The following CTNNA3 variants were observed in gnomAD, a reference collection of about 807,000 sequenced individuals.
CTNNA3 encodes the protein catenin alpha-3.
A neutral mutation model predicts 95.7 loss-of-function variants in CTNNA3; 76 were observed. That is an observed-to-expected ratio of 0.79 (90% CI 0.66 to 0.96). The LOEUF is 0.96. Ranked by LOEUF, CTNNA3 falls within the 40% of genes least tolerant of loss-of-function variation. CTNNA3 has a pLI of 0.00. For synonymous variants in CTNNA3, 431 were observed against 374.4 expected, an observed-to-expected ratio of 1.15 and a Z score of -1.74; for missense variants, 1,191 against 1,089.8, an observed-to-expected ratio of 1.09 and a Z score of -1.31.
At chr10:66,219,285 AATC>A (rs1271551209) in intron 13 of CTNNA3, among the ~76,000 whole-genome samples, 4 of 152,250 alleles carry the variant, frequency 2.6e-5, no homozygotes, top group Admixed American at 2.6e-4. Flanking sequence ...GAGGGATATG[AATC>A]ATCAGCAGAT....
At position 66,018,915 on chromosome 10, in the gene CTNNA3, AT is replaced by A. The variant is rs2079146685; in HGVS notation, c.2160-30119del. On this transcript the variant is annotated intron_variant, in intron 15 of 17. Coordinates refer to ENST00000433211, the MANE Select transcript of CTNNA3 (RefSeq NM_013266.4). ...TTCACGTTTATGGTGGGATATATTT[AT>A]TTTCTATTTTAGTTATAAAGAAAAC... Among the ~76,000 whole-genome samples the A allele has an allele frequency of 3.9e-5, 6 of 152,104 alleles. No homozygotes were observed. The South Asian group carries it at 1.2e-3, about 32-fold the overall frequency.
upstream of CTNNA3, among the ~76,000 whole-genome samples, chr10:67,700,924 T>A (rs1841033889): frequency 6.6e-6 from 1 of 152,078 alleles, no homozygotes. Context: ...TACAGAGAAG[T>A]GCTTAAAGGA....
chr10:65,946,088 T>A (rs562769764), intron 17 of CTNNA3, among the ~76,000 whole-genome samples: 4 of 152,320 alleles, frequency 2.6e-5, no homozygotes, highest in Admixed American at 2.6e-4. Flanking sequence ...AATAGCTTTG[T>A]GACCTTGGAT....
At chr10:67,302,622 C>G (rs1323714357) in intron 5 of CTNNA3, among the ~76,000 whole-genome samples, 2 of 152,136 alleles carry the variant, frequency 1.3e-5, no homozygotes, top group Non-Finnish European at 2.9e-5. Context: ...CACTTGACCT[C>G]CAATAATCTA....
chr10:66,775,135 TTTCATTGTATAGG>T (rs1017672551), intron 8 of CTNNA3, among the ~76,000 whole-genome samples: 3 of 152,144 alleles, frequency 2.0e-5, no homozygotes, highest in African/African-American at 7.2e-5. Context: ...ATATTATTAA[TTTCATTGTATAGG>T]TTCAAAGCAG....
chr10:66,570,234 G>A (rs921293647), intron 10 of CTNNA3, among the ~76,000 whole-genome samples: 7 of 152,176 alleles, frequency 4.6e-5, no homozygotes, highest in African/African-American at 1.7e-4. Flanking sequence ...AAATCTTAAA[G>A]GCAATAGATG....
chr10:66,898,085 A>AAAATATTTTTTC (rs1845573416), intron 7 of CTNNA3, among the ~76,000 whole-genome samples: 1 of 152,230 alleles, frequency 6.6e-6, no homozygotes, highest in African/African-American at 2.4e-5. Flanking sequence ...AATGAGATAA[A>AAAATATTTTTTC]CTGAACATCA....
At chr10:66,321,238 C>T (rs2092180694) in intron 12 of CTNNA3, among the ~76,000 whole-genome samples, 1 of 151,854 alleles carries the variant, frequency 6.6e-6, no homozygotes, top group African/African-American at 2.4e-5. Context: ...ATAGTTATAA[C>T]ATGTTAGAAG....
chr10:66,697,677 G>A (rs1462208029), intron 9 of CTNNA3, among the ~76,000 whole-genome samples: 2 of 152,034 alleles, frequency 1.3e-5, no homozygotes, highest in African/African-American at 4.8e-5. Flanking sequence ...TTCAAAATGG[G>A]TATAAATTAA....
intron 6 of CTNNA3, among the ~76,000 whole-genome samples, chr10:67,185,363 T>G (rs2132156203): frequency 6.6e-6 from 1 of 152,146 alleles, no homozygotes; most frequent in African/African-American, 2.4e-5. Context: ...CTTGACCACA[T>G]GATCCGCCTG....
rs1554851014 is a variant in CTNNA3 at position 66,777,801 on chromosome 10, A to ACACACATG, written c.1048-2278_1048-2277insCATGTGTG. Among the ~76,000 whole-genome samples the ACACACATG allele has an allele frequency of 1.7e-3, 237 of 142,084 alleles. 1 individual carries two copies. Among genetic ancestry groups the ACACACATG allele is most frequent in the East Asian group, 0.014 (51 of 3,652 alleles). 93.2% of individuals were successfully genotyped at this position (142,084 alleles called of 152,430 possible). On this transcript the variant is annotated intron_variant, in intron 7 of 17. Transcript: ENST00000433211. ...CACACACACACACACACACACATGCACACACACACACACACACACAGTATC... is the reference window on the plus strand; with the variant it reads ...CACACACACACACACACACACATGCACACACATGCACACACACACACACACACAGTATC...
chr10:67,170,851 C>A (rs1445707684), intron 7 of CTNNA3, among the ~76,000 whole-genome samples: 2 of 152,146 alleles, frequency 1.3e-5, no homozygotes, highest in Non-Finnish European at 2.9e-5. Flanking sequence ...CAGCCACTGG[C>A]CACATGTCGC....
chr10:66,220,628 G>A (rs1238424948), intron 13 of CTNNA3, among the ~76,000 whole-genome samples: 1 of 152,170 alleles, frequency 6.6e-6, no homozygotes, highest in African/African-American at 2.4e-5. Flanking sequence ...CCGCACAAAC[G>A]AATTGAAGAC....
At chr10:67,681,438 AT>A (rs777046277) in intron 1 of CTNNA3, among the ~76,000 whole-genome samples, 25 of 152,174 alleles carry the variant, frequency 1.6e-4, no homozygotes, top group Non-Finnish European at 3.4e-4. Flanking sequence ...TCTTAAATAA[AT>A]TATAATGATC....
At chr10:67,471,382 T>A (rs150171041) in intron 5 of CTNNA3, among the ~76,000 whole-genome samples, 1 of 152,368 alleles carries the variant, frequency 6.6e-6, no homozygotes, top group African/African-American at 2.4e-5. Flanking sequence ...AAGGATGTAC[T>A]AAGCTTACAA....
chr10:67,706,335 A>G (rs2133607743), intron 1 of CTNNA3, among the ~76,000 whole-genome samples: 1 of 152,132 alleles, frequency 6.6e-6, no homozygotes, highest in East Asian at 1.9e-4. Flanking sequence ...AGAGGAGGTA[A>G]AAGGTTATAA....
intron 10 of CTNNA3, among the ~76,000 whole-genome samples, chr10:66,606,990 A>G (rs1194792131): frequency 6.6e-6 from 1 of 152,132 alleles, no homozygotes; most frequent in Non-Finnish European, 1.5e-5. Flanking sequence ...CGAATCCAGG[A>G]GTTGGTTTTT....
At chr10:67,196,854 G>A (rs1324825006) in intron 6 of CTNNA3, among the ~76,000 whole-genome samples, 1 of 152,022 alleles carries the variant, frequency 6.6e-6, no homozygotes, top group East Asian at 1.9e-4. Context: ...ATTATAGACT[G>A]AGGCAATATA....
At chr10:67,471,086 G>A (rs979199531) in intron 5 of CTNNA3, among the ~76,000 whole-genome samples, 2 of 152,116 alleles carry the variant, frequency 1.3e-5, no homozygotes, top group African/African-American at 2.4e-5. Flanking sequence ...CAAAGCACGG[G>A]GGGGTGGGGC....
Sources: allele counts gnomAD v4.1 joint callset (sites outside exome capture counted in the v4.1 genomes callset), GRCh38; gene constraint gnomAD v4.1.1; transcripts MANE v1.5; gene names NCBI Gene and HGNC (gene_info 2026-07-23, HGNC 2026-07-21).